EIPR1: variants seen among roughly 807,000 people sequenced by gnomAD.
The protein encoded by EIPR1 is EARP complex and GARP complex interacting protein 1.
EIPR1 carries 25 observed loss-of-function variants against 48.1 expected under a neutral mutation model. That is an observed-to-expected ratio of 0.52 (90% confidence interval 0.38 to 0.73). The LOEUF is 0.73. Among genes scored for constraint, EIPR1 ranks in the 30% least tolerant of loss-of-function variants. The probability of loss-of-function intolerance (pLI) is 0.00; values close to 1 mark genes in which losing one functional copy is unlikely to be tolerated. For missense variants in EIPR1, 415 were observed against 506.2 expected (o/e 0.82, Z 1.73); for synonymous variants, 204 against 201.9 (o/e 1.01, Z -0.09).
At chr2:3,221,866 G>T (rs576321052) in intron 4 of EIPR1, among the ~76,000 whole-genome samples, 53 of 152,348 alleles carry the variant, frequency 3.5e-4, no homozygotes, top group Non-Finnish European at 6.5e-4. Flanking sequence ...ATAGAGTCAG[G>T]TGCACATGCA....
At chr2:3,270,780 G>C (rs1213238902) in intron 3 of EIPR1, among the ~76,000 whole-genome samples, 12 of 152,210 alleles carry the variant, frequency 7.9e-5, no homozygotes, top group Admixed American at 7.2e-4. Flanking sequence ...GCAGCTAACT[G>C]CTCAGGGTGG....
At chr2:3,240,662 TTCCTCAAGAACAGTGAGCAGGTCCC>T (rs1219307780) in intron 4 of EIPR1, among the ~76,000 whole-genome samples, 12,019 of 130,076 alleles carry the variant, frequency 0.092, 22 homozygotes, top group Non-Finnish European at 0.11. Context: ...CAGCAGATCC[TTCCTCAAGAACAGTGAGCAGGTCCC>T]TCCTAAAGCA....
chr2:3,291,148 G>A (rs1668352766), intron 3 of EIPR1, among the ~76,000 whole-genome samples: 3 of 152,296 alleles, frequency 2.0e-5, no homozygotes, highest in East Asian at 1.9e-4. Flanking sequence ...GGGATGCCTG[G>A]GGGTGGGGCG....
chr2:3,245,729 C>G (rs1427440273), intron 4 of EIPR1, among the ~76,000 whole-genome samples: 1 of 152,212 alleles, frequency 6.6e-6, no homozygotes, highest in Non-Finnish European at 1.5e-5. Flanking sequence ...CGCATCTAGG[C>G]TGGCTAAAGC....
At chr2:3,359,615 GTTTAA>G (rs903463393) in intron 1 of EIPR1, among the ~76,000 whole-genome samples, 9 of 152,128 alleles carry the variant, frequency 5.9e-5, no homozygotes, top group African/African-American at 1.2e-4. Flanking sequence ...GAAATAAAAA[GTTTAA>G]TTTAAGAGCT....
intron 4 of EIPR1, among the ~76,000 whole-genome samples, chr2:3,232,389 T>G (rs919042255): frequency 6.6e-6 from 1 of 152,228 alleles, no homozygotes; most frequent in Non-Finnish European, 1.5e-5. Context: ...ATGTATAAAG[T>G]TGAGTTGATT....
At chr2:3,368,404 C>T (rs1671028287) in intron 1 of EIPR1, among the ~76,000 whole-genome samples, 1 of 152,216 alleles carries the variant, frequency 6.6e-6, no homozygotes, top group Admixed American at 6.5e-5. Context: ...TGGCCCAGCT[C>T]ACTTGGCAGC....
chr2:3,206,359 C>G (rs2103122857), intron 5 of EIPR1, among the ~76,000 whole-genome samples: 1 of 152,280 alleles, frequency 6.6e-6, no homozygotes, highest in East Asian at 1.9e-4. Flanking sequence ...GACACAGAGC[C>G]CCCAGTGGGC....
chr2:3,306,920 G>A (rs368700065), intron 3 of EIPR1, among the ~76,000 whole-genome samples: 1 of 151,948 alleles, frequency 6.6e-6, no homozygotes, highest in Non-Finnish European at 1.5e-5. Flanking sequence ...TGCTATTTAG[G>A]ATGTACATAA....
intron 3 of EIPR1, among the ~76,000 whole-genome samples, chr2:3,294,394 C>A (rs1172912047): frequency 1.3e-5 from 2 of 148,928 alleles, no homozygotes; most frequent in Non-Finnish European, 3.0e-5. Context: ...CACACACACC[C>A]TCCACCCAGC....
intron 2 of EIPR1, among the ~76,000 whole-genome samples, chr2:3,348,996 C>G (rs1009062560): frequency 6.6e-6 from 1 of 152,202 alleles, no homozygotes; most frequent in African/African-American, 2.4e-5. Flanking sequence ...CCAGGCTGTT[C>G]AGGATGGAGC....
intron 3 of EIPR1, among the ~76,000 whole-genome samples, chr2:3,285,081 T>C (rs1421831274): frequency 6.6e-6 from 1 of 152,006 alleles, no homozygotes; most frequent in African/African-American, 2.4e-5. Flanking sequence ...CCATGGAAAA[T>C]GTCCTCGTGA....
At chr2:3,219,754 GTATGC>G (rs1558231900) in intron 4 of EIPR1, among the ~76,000 whole-genome samples, 1 of 149,102 alleles carries the variant, frequency 6.7e-6, no homozygotes, top group African/African-American at 2.5e-5. Flanking sequence ...CACGGCCCTG[GTATGC>G]TCTAGAGCTT....
intron 2 of EIPR1, among the ~76,000 whole-genome samples, chr2:3,345,326 G>A (rs937066542): frequency 6.6e-5 from 10 of 152,154 alleles, no homozygotes; most frequent in African/African-American, 1.2e-4. Context: ...ATTGAGACCA[G>A]GCCAGGTGCA....
rs1661367611 is a variant in EIPR1 at position 3,298,454 on chromosome 2, C to T, written c.259+39563G>A. 1.3e-5 allele frequency: 2 copies of T among 152,100 alleles called. 1 individual carries two copies. The highest frequency in any genetic ancestry group is 1.3e-4 in the Admixed American group (2 of 15,268). 9.4% of individuals were successfully genotyped at this position (152,100 alleles called of 1,614,324 possible). The stretch of plus-strand genomic sequence containing the variant: ...CCCCTGGACCCATCTTGTCTGTCGT[C>T]ATGCCCTTGAAAGAGATAAAATTAA... On this transcript the variant is annotated intron_variant, in intron 3 of 8. Coordinates refer to ENST00000382125, the MANE Select transcript of EIPR1 (RefSeq NM_003310.5).
Position 3,377,780 on chromosome 2 carries a change from G to C in EIPR1, c.-91C>G. On this transcript the variant is annotated 5_prime_UTR_variant, in exon 1 of 9. Coordinates refer to ENST00000382125, the MANE Select transcript of EIPR1 (RefSeq NM_003310.5). ...CCCACCTCGCGGGCGTGTTCCCAGC[G>C]CCCATTCATTCCCTCCCCGCAGCAA... is the stretch of plus-strand genomic sequence containing the variant. 2.0e-6 allele frequency: 3 copies of C among 1,473,852 alleles called. No individual in the cohort carries two copies. Among genetic ancestry groups the C allele is most frequent in the Non-Finnish European group, 2.8e-6 (3 of 1,085,288 alleles). 91.3% of individuals were successfully genotyped at this position (1,473,852 alleles called of 1,614,324 possible).
At chr2:3,238,375 C>T (rs1180454008) in intron 4 of EIPR1, among the ~76,000 whole-genome samples, 8 of 152,214 alleles carry the variant, frequency 5.3e-5, no homozygotes, top group Admixed American at 3.3e-4. Flanking sequence ...ACTCCAGAGC[C>T]GCGGGAGGTC....
chr2:3,309,451 C>T (rs1669053486), intron 3 of EIPR1, among the ~76,000 whole-genome samples: 1 of 152,136 alleles, frequency 6.6e-6, no homozygotes, highest in Non-Finnish European at 1.5e-5. Context: ...ACAAAGAGAA[C>T]AGAAAACAAA....
rs1025965360 is a variant in EIPR1, at chr2:3,208,962, T to C, written c.516+5187A>G. ...AGAATGTTCAGATTCTTCCCTCTAA[T>C]AGGACAAGGGAAGAGCTCTCATATT... On this transcript the variant is annotated intron_variant, in intron 5 of 8. Coordinates refer to ENST00000382125, the MANE Select transcript of EIPR1 (RefSeq NM_003310.5). The C allele has an allele frequency of 5.4e-6, 8 of 1,491,244 alleles. No individual in the cohort carries two copies. In the East Asian group the frequency reaches 1.2e-4, roughly 23 times the overall value. The allele number at this position is 1,491,244 out of a possible 1,614,324, so 92.4% of individuals were successfully genotyped here. A position where few individuals can be genotyped will look rare whatever the true frequency, so the allele number is the denominator to read the frequency against.
Sources: gnomAD v4.1 joint callset for allele counts (sites outside exome capture counted in the v4.1 genomes callset) on GRCh38, gnomAD v4.1.1 for gene constraint, MANE v1.5 for transcripts, NCBI Gene and HGNC (gene_info 2026-07-23, HGNC 2026-07-21) for gene names.